HDAC9: variants seen among roughly 807,000 people sequenced by gnomAD.
The protein encoded by HDAC9 is MEF-2 interacting transcription repressor (MITR) protein.
Under a neutral mutation model 139.4 loss-of-function variants are expected in HDAC9, and 41 were observed. That is an observed-to-expected ratio of 0.29 (90% confidence interval 0.23 to 0.38). The LOEUF is 0.38. Ranked by LOEUF, HDAC9 falls within the 10% of genes least tolerant of loss-of-function variation. The pLI is 1.00. For missense variants in HDAC9, 1,147 were observed against 1,297.0 expected, an observed-to-expected ratio of 0.88 and a Z score of 1.78; for synonymous variants, 517 against 476.2, an observed-to-expected ratio of 1.09 and a Z score of -1.12.
chr7:18,817,359 C>A (rs979215014), intron 17 of HDAC9, among the ~76,000 whole-genome samples: 2 of 151,922 alleles, frequency 1.3e-5, no homozygotes, highest in African/African-American at 2.4e-5. Context: ...TATTGTAAGG[C>A]CTGTTACAAC....
intron 1 of HDAC9, among the ~76,000 whole-genome samples, chr7:18,394,450 C>T (rs1365116889): frequency 2.0e-5 from 3 of 152,082 alleles, no homozygotes; most frequent in Non-Finnish European, 2.9e-5. Context: ...AAATGTTACA[C>T]TTCCTAGGAG....
At chr7:18,296,816 A>T in intron 1 of HDAC9, among the ~76,000 whole-genome samples, 1 of 152,166 alleles carries the variant, frequency 6.6e-6, no homozygotes, top group South Asian at 2.1e-4. Flanking sequence ...TCTGTGGAGA[A>T]AGGGGGAGCC....
intron 12 of HDAC9, among the ~76,000 whole-genome samples, chr7:18,702,439 G>A (rs905100906): frequency 6.6e-6 from 1 of 152,202 alleles, no homozygotes; most frequent in African/African-American, 2.4e-5. Flanking sequence ...CGACTGTCCA[G>A]TCTGCATAAT....
rs571147698 is a variant in HDAC9 at position 18,774,764 on chromosome 7, C to T, written c.2214+7609C>T. 7.2e-5 allele frequency among the ~76,000 whole-genome samples: 11 copies of T among 152,152 alleles called. No homozygotes were observed. In the East Asian group the frequency reaches 9.7e-4, roughly 13 times the overall value. ...CCATATCAGCAGTAAGGCTATTTCA[C>T]TTTCTTAGCATTTGTGTGTTCACTG... On this transcript the variant is annotated intron_variant, in intron 16 of 25. Coordinates refer to ENST00000686413, the MANE Select transcript of HDAC9 (RefSeq NM_178425.4).
chr7:18,634,579 C>A, intron 7 of HDAC9, 48 bp from the exon 8 acceptor site: 2 of 1,134,960 alleles, frequency 1.8e-6, no homozygotes, highest in Non-Finnish European at 1.3e-6. Flanking sequence ...TAAAGTTCAT[C>A]TATGTATGTT....
At chr7:18,255,713 C>T (rs1477001929) in intron 2 of HDAC9, among the ~76,000 whole-genome samples, 2 of 149,198 alleles carry the variant, frequency 1.3e-5, no homozygotes, top group Non-Finnish European at 3.0e-5. Context: ...ACTGCACCCT[C>T]TGCCTCCAGG....
intron 21 of HDAC9, among the ~76,000 whole-genome samples, chr7:18,846,420 A>G (rs1796908603): frequency 6.6e-6 from 1 of 152,234 alleles, no homozygotes; most frequent in Admixed American, 6.5e-5. Context: ...TGACCTCATT[A>G]AATTCCGACT....
chr7:18,098,971 A>G (rs1342527518), intron 1 of HDAC9, among the ~76,000 whole-genome samples: 3 of 152,290 alleles, frequency 2.0e-5, no homozygotes, highest in Non-Finnish European at 4.4e-5. Context: ...AAAAGCCCTA[A>G]TGATGTAAAT....
In HDAC9 at chr7:18,992,164, A is replaced by G. The variant is rs60111919; in HGVS notation, c.3171-3859A>G. On this transcript the variant is annotated intron_variant, in intron 25 of 25. Transcript: ENST00000686413. ...GCTCTTGGGAATGTATACCAAAGACATTCTCAGCATAAGTCTTTAGAGTAC... is the reference window on the plus strand; with the variant it reads ...GCTCTTGGGAATGTATACCAAAGACGTTCTCAGCATAAGTCTTTAGAGTAC... 8.0e-3 allele frequency among the ~76,000 whole-genome samples: 1,226 copies of G among 152,358 alleles called. 24 individuals are homozygous for G. The highest frequency in any genetic ancestry group is 0.028 in the African/African-American group (1,166 of 41,588).
At chr7:18,713,879 A>G (rs1198306679) in intron 12 of HDAC9, among the ~76,000 whole-genome samples, 1 of 150,488 alleles carries the variant, frequency 6.6e-6, no homozygotes, top group African/African-American at 2.4e-5. Context: ...CCTTGTTATA[A>G]CGTATTTTGG....
At chr7:18,162,059 G>T (rs182757298) in intron 1 of HDAC9, among the ~76,000 whole-genome samples, 1 of 152,144 alleles carries the variant, frequency 6.6e-6, no homozygotes, top group East Asian at 1.9e-4. Context: ...TGCTAAATTT[G>T]CTCTTTTTTA....
intron 2 of HDAC9, among the ~76,000 whole-genome samples, chr7:18,191,588 A>G (rs1257839342): frequency 6.6e-6 from 1 of 152,218 alleles, no homozygotes; most frequent in Non-Finnish European, 1.5e-5. Flanking sequence ...GGGGAAGTTA[A>G]TGGTGTTTGT....
intron 2 of HDAC9, chr7:18,509,213 A>G (rs1205593003): frequency 1.3e-5 from 12 of 948,518 alleles, no homozygotes; most frequent in South Asian, 4.8e-5. Flanking sequence ...CAACATTCCA[A>G]TTGGTCTAAG....
At chr7:18,740,095 C>T (rs1300208574) in intron 13 of HDAC9, among the ~76,000 whole-genome samples, 1 of 152,218 alleles carries the variant, frequency 6.6e-6, no homozygotes, top group Non-Finnish European at 1.5e-5. Flanking sequence ...AAGAGAATCT[C>T]CTCGTCTGCC....
At chr7:18,822,120 A>G (rs1351101081) in intron 17 of HDAC9, among the ~76,000 whole-genome samples, 1 of 152,086 alleles carries the variant, frequency 6.6e-6, no homozygotes, top group Non-Finnish European at 1.5e-5. Flanking sequence ...TGATCAAATT[A>G]TTGGCCCTTG....
rs183792468 is a variant in HDAC9, at chr7:18,889,543, A to G, written c.2803+14947A>G. Among the ~76,000 whole-genome samples the G allele has an allele frequency of 8.3e-3, 1,260 of 152,324 alleles. 19 individuals are homozygous for G. Among genetic ancestry groups the G allele is most frequent in the Non-Finnish European group, 6.3e-3 (428 of 68,032 alleles). ...ATGGGTGTTTATTCAAGATATTTTC[A>G]TAATAAGCATCCATGTTGTATTGTG... On this transcript the variant is annotated intron_variant, in intron 22 of 25. Transcript: ENST00000686413.
intron 25 of HDAC9, among the ~76,000 whole-genome samples, chr7:18,979,816 A>C (rs10281656): frequency 0.33 from 50,256 of 151,890 alleles, 8,650 homozygotes; most frequent in Non-Finnish European, 0.38. Flanking sequence ...ATCCCATGTG[A>C]GCTCAGAGCA....
chr7:18,855,556 A>C (rs1429814479), intron 21 of HDAC9, among the ~76,000 whole-genome samples: 1 of 151,934 alleles, frequency 6.6e-6, no homozygotes, highest in Non-Finnish European at 1.5e-5. Flanking sequence ...GACTGTGTTT[A>C]GGCATGGTGG....
chr7:18,870,697 A>C (rs1041594059), intron 21 of HDAC9, among the ~76,000 whole-genome samples: 2 of 152,112 alleles, frequency 1.3e-5, no homozygotes, highest in Non-Finnish European at 2.9e-5. Flanking sequence ...TTTTTGAGAC[A>C]GGGTCTTGCT....
Sources: gnomAD v4.1 joint callset for allele counts (sites outside exome capture counted in the v4.1 genomes callset) on GRCh38, gnomAD v4.1.1 for gene constraint, MANE v1.5 for transcripts, NCBI Gene and HGNC (gene_info 2026-07-23, HGNC 2026-07-21) for gene names.